The following CMTR1 variants were observed in gnomAD, a reference collection of about 807,000 sequenced individuals.
CMTR1 encodes the protein cap-specific mRNA (nucleoside-2'-O-)-methyltransferase 1.
Under a neutral mutation model 107.0 loss-of-function variants are expected in CMTR1, and 39 were observed. The observed-to-expected ratio is 0.36, with a 90% confidence interval of 0.28 to 0.48. The LOEUF (loss-of-function observed/expected upper bound fraction) is 0.48. Among genes scored for constraint, CMTR1 ranks in the 20% least tolerant of loss-of-function variants. CMTR1 has a pLI of 0.99. For missense variants in CMTR1, 672 were observed against 1,064.9 expected (o/e 0.63, Z 5.14); for synonymous variants, 366 against 379.5 (o/e 0.96, Z 0.41).
chr6:37,475,918 T>G (rs1761726881), intron 19 of CMTR1: 1 of 572,942 alleles, frequency 1.7e-6, no homozygotes, highest in Non-Finnish European at 3.1e-6. Context: ...AAATTAGAGG[T>G]CAGAATCCAC....
intron 13 of CMTR1, among the ~76,000 whole-genome samples, chr6:37,465,213 G>A (rs1020442005): frequency 2.0e-5 from 3 of 151,640 alleles, no homozygotes; most frequent in Admixed American, 1.3e-4. Flanking sequence ...GTTGCGGTGA[G>A]CCGAGATCGC....
chr6:37,444,207 C>A, intron 3 of CMTR1, 57 bp downstream of exon 3: 1 of 1,571,416 alleles, frequency 6.4e-7, no homozygotes, highest in Non-Finnish European at 8.6e-7. Flanking sequence ...GAAAGAAGGG[C>A]AATTTGTATT....
intron 13 of CMTR1, among the ~76,000 whole-genome samples, chr6:37,468,054 T>TA (rs1554122023): frequency 7.3e-5 from 10 of 137,260 alleles, no homozygotes; most frequent in Non-Finnish European, 1.4e-4. Context: ...CTCTGTTTTG[T>TA]GGGGGGGGGG....
the CMTR1 span, among the ~76,000 whole-genome samples, chr6:37,426,556 T>C: frequency 2.0e-5 from 3 of 151,898 alleles, no homozygotes; most frequent in East Asian, 5.8e-4. Flanking sequence ...TTTTCTGAGA[T>C]GCAGTCTCAC....
At chr6:37,466,409 C>T (rs550181055) in intron 13 of CMTR1, among the ~76,000 whole-genome samples, 34 of 152,244 alleles carry the variant, frequency 2.2e-4, no homozygotes, top group Middle Eastern at 3.4e-3. Flanking sequence ...GCTGGAATTA[C>T]GGGTGTGAAC....
Position 37,453,141 on chromosome 6 carries a change from G to C in CMTR1, c.704G>C (p.Arg235Thr). Residue 235 changes from arginine to threonine, a missense_variant and splice_region_variant, in exon 7 of 24, where the codon AGG becomes ACG. Around this residue, in one of 2 missense-constraint regions of CMTR1, gnomAD observed 583 missense variants for 968.4 expected, o/e 0.60. Transcript: ENST00000373451. The part of the protein sequence containing the change: ...EMIRGVFFLN[R>T]AAMKMANMDF... Reference sequence around the variant, plus strand: ...ATCCGAGGAGTCTTCTTTCTAAACAGGTTTGCTGACATTTCCCTCCCCTCC... The same window carrying C: ...ATCCGAGGAGTCTTCTTTCTAAACACGTTTGCTGACATTTCCCTCCCCTCC... 2 of 1,614,138 alleles carry C rather than the reference G, an allele frequency of 1.2e-6. No homozygotes were observed. The highest frequency in any genetic ancestry group is 1.7e-6 in the Non-Finnish European group (2 of 1,180,022).
rs1390821427 is a variant in CMTR1 at position 37,480,753 on chromosome 6, C to G, written c.*608C>G. 5 of 1,058,068 alleles carry G rather than the reference C, an allele frequency of 4.7e-6. No individual in the cohort carries two copies. The highest frequency in any genetic ancestry group is 5.7e-6 in the Non-Finnish European group (5 of 874,792). 65.5% of individuals were successfully genotyped at this position (1,058,068 alleles called of 1,614,324 possible). A position where few individuals can be genotyped will look rare whatever the true frequency, so the allele number is the denominator to read the frequency against. On this transcript the variant is annotated 3_prime_UTR_variant, in exon 24 of 24. Coordinates refer to ENST00000373451, the MANE Select transcript of CMTR1 (RefSeq NM_015050.3). ...CTGGAGTTCTTCCTAGCCCAGAGCT[C>G]TGACAGTCCAGCAGGGTGGGAAGGA...
At chr6:37,475,550 C>A in intron 19 of CMTR1, 138 bp downstream of exon 19, 1 of 704,064 alleles carries the variant, frequency 1.4e-6, no homozygotes, top group Non-Finnish European at 2.4e-6. Context: ...CTCCCACCCA[C>A]TGACTGGTCC....
chr6:37,467,921 AAT>A, intron 13 of CMTR1, among the ~76,000 whole-genome samples: 1 of 152,080 alleles, frequency 6.6e-6, no homozygotes, highest in African/African-American at 2.4e-5. Flanking sequence ...TCTGCATTTT[AAT>A]TGGGGTGATT....
chr6:37,451,660 T>G, intron 5 of CMTR1, 146 bp from the exon 6 acceptor site: 1 of 609,526 alleles, frequency 1.6e-6, no homozygotes, highest in Non-Finnish European at 2.9e-6. Context: ...TAGGATTTTC[T>G]CTTTCCCACC....
chr6:37,452,262 T>C (rs1358234122), intron 6 of CMTR1, among the ~76,000 whole-genome samples: 2 of 152,222 alleles, frequency 1.3e-5, no homozygotes. Context: ...CTCTCTGAGT[T>C]TGAGTTTCCT....
chr6:37,461,442 G>T, intron 10 of CMTR1, 107 bp from the exon 11 acceptor site: 2 of 613,416 alleles, frequency 3.3e-6, no homozygotes, highest in South Asian at 2.2e-5. Flanking sequence ...ATCAGATGGT[G>T]ATCAGTGAAA....
intron 17 of CMTR1, 84 bp from the exon 18 acceptor site, chr6:37,474,440 C>CT (rs1761692924): frequency 6.5e-7 from 1 of 1,532,084 alleles, no homozygotes; most frequent in Non-Finnish European, 8.9e-7. Flanking sequence ...TTGTAGCTGC[C>CT]AACTAAAAGC....
At chr6:37,473,188 G>A (rs1011215505) in intron 16 of CMTR1, among the ~76,000 whole-genome samples, 1 of 152,098 alleles carries the variant, frequency 6.6e-6, no homozygotes, top group African/African-American at 2.4e-5. Context: ...TTATATTCTG[G>A]TGACATTTTC....
the CMTR1 span, among the ~76,000 whole-genome samples, chr6:37,426,761 C>T: frequency 3.9e-5 from 6 of 152,092 alleles, no homozygotes; most frequent in African/African-American, 7.2e-5. Flanking sequence ...CTAATTTGCT[C>T]CATATACGTA....
At chr6:37,455,719 A>G (rs556503929) in intron 8 of CMTR1, among the ~76,000 whole-genome samples, 11 of 152,158 alleles carry the variant, frequency 7.2e-5, no homozygotes, top group Non-Finnish European at 1.2e-4. Flanking sequence ...TCGCCACTGG[A>G]AAGAGAAAAA....
At chr6:37,446,864 A>G (rs1175477675) in intron 4 of CMTR1, among the ~76,000 whole-genome samples, 1 of 152,198 alleles carries the variant, frequency 6.6e-6, no homozygotes, top group Non-Finnish European at 1.5e-5. Context: ...TTCTAAGAAG[A>G]TCCTTGTACT....
chr6:37,465,663 T>C (rs1469029826), intron 13 of CMTR1, among the ~76,000 whole-genome samples: 27 of 152,158 alleles, frequency 1.8e-4, no homozygotes, highest in Admixed American at 1.7e-3. Flanking sequence ...CCCCAGCTAA[T>C]TTTTGTATTT....
upstream of CMTR1, chr6:37,433,154 G>GCCGGGA (rs1771421437): frequency 6.6e-6 from 1 of 152,596 alleles, no homozygotes; most frequent in South Asian, 2.1e-4. Flanking sequence ...CTTTCCCGGG[G>GCCGGGA]CCGGGACCCG....
Sources: gnomAD v4.1 joint callset for allele counts (sites outside exome capture counted in the v4.1 genomes callset) on GRCh38, gnomAD v4.1.1 for gene constraint, gnomAD v4.1.1 regional missense constraint, MANE v1.5 for transcripts, NCBI Gene and HGNC (gene_info 2026-07-23, HGNC 2026-07-21) for gene names.